The following SSX7 variants were observed in gnomAD, a reference collection of about 807,000 sequenced individuals.
SSX7 encodes SSX family member 7, also known as protein SSX7.
Under a neutral mutation model 14.7 loss-of-function variants are expected in SSX7, and 15 were observed. That is an observed-to-expected ratio of 1.02 (90% CI 0.68 to 1.58). The LOEUF (loss-of-function observed/expected upper bound fraction) is 1.58, where lower values mean the gene tolerates loss of function less well. SSX7 is among the 40% of genes most tolerant of loss of function. The pLI is 0.00. For missense variants in SSX7, 178 were observed against 146.8 expected (o/e 1.21, Z -1.10); for synonymous variants, 46 against 50.6 (o/e 0.91, Z 0.38).
rs868914572 is a variant in SSX7 at position 52,653,218 on chromosome X, C to T, written c.69+186G>A. 2.7e-4 allele frequency: 204 copies of T among 752,166 alleles called. No individual in the cohort carries two copies. The Middle Eastern group carries it at 6.1e-3, about 22-fold the overall frequency. 62.0% of individuals were successfully genotyped at this position (752,166 alleles called of 1,213,427 possible). A position where few individuals can be genotyped will look rare whatever the true frequency, so the allele number is the denominator to read the frequency against. On this transcript the variant is annotated intron_variant, in intron 2 of 7. Transcript: ENST00000298181. The stretch of plus-strand genomic sequence containing the variant: ...ACTGAGATTCACCAAATGTAGTGCA[C>T]GGTCACAGACTTGTCTCCAAGGATG...
intron 5 of SSX7, 60 bp downstream of exon 5, chrX:52,650,292 AG>A: frequency 2.6e-6 from 3 of 1,169,197 alleles, no homozygotes; most frequent in Non-Finnish European, 3.5e-6. Context: ...CACTCTTACC[AG>A]TGTTTGCATC....
chrX:52,647,165 G>A (rs1601973926), intron 6 of SSX7, among the ~76,000 whole-genome samples: 1 of 112,200 alleles, frequency 8.9e-6, no homozygotes, highest in East Asian at 2.8e-4. Flanking sequence ...TGAGAGAGGT[G>A]AAGAAGCTGC....
Position 52,644,407 on chromosome X carries a change from A to T in SSX7, c.*268T>A. The T allele has an allele frequency of 2.4e-6, 1 of 413,443 alleles. No individual in the cohort carries two copies. The highest frequency in any genetic ancestry group is 4.1e-6 in the Non-Finnish European group (1 of 246,011). 34.1% of individuals were successfully genotyped at this position (413,443 alleles called of 1,213,427 possible). ...TCTGAGGTAGGTGCATGGATACACAAACCGAAATACACATTAAGCATGTCT... is the reference window on the plus strand; with the variant it reads ...TCTGAGGTAGGTGCATGGATACACATACCGAAATACACATTAAGCATGTCT... On this transcript the variant is annotated 3_prime_UTR_variant, in exon 8 of 8. Transcript: ENST00000298181.
chrX:52,645,027 T>G (rs1925191804), intron 7 of SSX7, among the ~76,000 whole-genome samples: 1 of 110,742 alleles, frequency 9.0e-6, no homozygotes, highest in Admixed American at 9.6e-5. Context: ...CCCAGAACTT[T>G]GGGAGGCCGA....
intron 1 of SSX7, among the ~76,000 whole-genome samples, chrX:52,654,453 C>T (rs782452800): frequency 2.0e-5 from 2 of 102,245 alleles, no homozygotes; most frequent in South Asian, 9.8e-4. Flanking sequence ...CTGCAACCTC[C>T]GCCTCCTGGG....
intron 5 of SSX7, among the ~76,000 whole-genome samples, chrX:52,649,264 A>C (rs1925349297): frequency 7.2e-5 from 8 of 111,249 alleles, no homozygotes; most frequent in Non-Finnish European, 3.8e-5. Context: ...CTCTTGACCT[A>C]GTGATCCATC....
At chrX:52,645,756 C>T (rs1390503073) in intron 6 of SSX7, among the ~76,000 whole-genome samples, 2 of 111,767 alleles carry the variant, frequency 1.8e-5, no homozygotes, top group Non-Finnish European at 3.8e-5. Context: ...CTGGCTCCTT[C>T]TGTTGTGGGG....
At chrX:52,648,141 C>T (rs782366254) in intron 6 of SSX7, 120 bp downstream of exon 6, 14 of 1,011,081 alleles carry the variant, frequency 1.4e-5, no homozygotes, top group South Asian at 2.4e-5. Context: ...TGGAGCTGGG[C>T]GAGCTCCTCA....
rs190841197 is a variant in SSX7 at position 52,646,188 on chromosome X, C to T, written c.467-645G>A. On this transcript the variant is annotated intron_variant, in intron 6 of 7. Transcript: ENST00000298181. ...AAGCGATTCTCCTGCCTCAGCCTCC[C>T]GAGTAGCTGGGACTACAGGAGCATG... Among the ~76,000 whole-genome samples, 389 of 111,579 alleles carry T rather than the reference C, an allele frequency of 3.5e-3. 2 individuals are homozygous for T. The highest frequency in any genetic ancestry group is 8.6e-3 in the Admixed American group (90 of 10,497).
intron 6 of SSX7, among the ~76,000 whole-genome samples, chrX:52,646,298 C>T (rs1302596366): frequency 2.7e-5 from 3 of 112,340 alleles, no homozygotes; most frequent in South Asian, 3.6e-4. Flanking sequence ...CTCCCGACTT[C>T]GTGATCTGCC....
chrX:52,650,163 G>A (rs1556766833), intron 5 of SSX7, among the ~76,000 whole-genome samples, 190 bp downstream of exon 5: 1 of 112,444 alleles, frequency 8.9e-6, no homozygotes, highest in African/African-American at 3.2e-5. Context: ...GCATCACTAT[G>A]AAAACAAAAG....
In SSX7 at chrX:52,652,261, C is replaced by T. The variant is rs782520779; in HGVS notation, c.271G>A (p.Gly91Arg). ...CTTCCCGTCTACTCACCCTGATTCC[C>T]TTGGTTACGGTCATTATCAAAATCA... ...GNDFDNDRNQ[G>R]NQVERPQMTF... is the part of the protein sequence containing the mutation. Residue 91 changes from glycine to arginine, a missense_variant, in exon 4 of 8, where the codon GGG becomes AGG. Physicochemically the swap from Gly to Arg is moderately radical, Grantham distance 125. Transcript: ENST00000298181. 1.7e-5 allele frequency: 20 copies of T among 1,202,732 alleles called. No individual in the cohort carries two copies. The South Asian group carries it at 3.0e-4, about 18-fold the overall frequency.
At chrX:52,644,864 C>A (rs1467565121) in intron 7 of SSX7, among the ~76,000 whole-genome samples, 194 bp from the exon 8 acceptor site, 2 of 111,526 alleles carry the variant, frequency 1.8e-5, no homozygotes, top group African/African-American at 6.5e-5. Flanking sequence ...CTGGGTTATC[C>A]ATTCCTAGGC....
In SSX7 at chrX:52,644,666, C is replaced by T. The variant is rs1925175903; in HGVS notation, c.*9G>A. On this transcript the variant is annotated 3_prime_UTR_variant, in exon 8 of 8. Transcript: ENST00000298181. ...TCATCATGGGCATATGTCGTATCCC[C>T]GAGGCTGAGGCAAGAAGAGAGAAGG... is the stretch of plus-strand genomic sequence containing the variant. The T allele has an allele frequency of 2.3e-5, 28 of 1,194,140 alleles. No individual in the cohort carries two copies. Among genetic ancestry groups the T allele is most frequent in the Non-Finnish European group, 3.1e-5 (28 of 893,712 alleles).
At chrX:52,649,977 G>A (rs1925376151) in intron 5 of SSX7, among the ~76,000 whole-genome samples, 2 of 112,304 alleles carry the variant, frequency 1.8e-5, no homozygotes, top group African/African-American at 3.2e-5. Context: ...CATGGACCAG[G>A]AATCTGGAGC....
At chrX:52,648,037 G>C (rs1297340328) in intron 6 of SSX7, among the ~76,000 whole-genome samples, 1 of 112,032 alleles carries the variant, frequency 8.9e-6, no homozygotes, top group African/African-American at 3.2e-5. Flanking sequence ...ATCTGGAACT[G>C]AGAAAATTTG....
Position 52,647,974 on chromosome X carries a change from T to C in SSX7, c.466+287A>G, listed in dbSNP as rs112961239. Among the ~76,000 whole-genome samples, 67 of 112,135 alleles carry C rather than the reference T, an allele frequency of 6.0e-4. 2 individuals carry two copies. The highest frequency in any genetic ancestry group is 2.2e-3 in the African/African-American group (67 of 30,985). On this transcript the variant is annotated intron_variant, in intron 6 of 7. Coordinates refer to ENST00000298181, the MANE Select transcript of SSX7 (RefSeq NM_173358.2). ...CAGGCCTTCTAGATTAAATTTAATG[T>C]CTCCAAACAATTTATGAACTATGAT...
rs370840693 is a variant in SSX7 at position 52,645,003 on chromosome X, T to C, written c.*5-333A>G. Among the ~76,000 whole-genome samples, 148 of 110,610 alleles carry C rather than the reference T, an allele frequency of 1.3e-3. 1 individual carries two copies. The highest frequency in any genetic ancestry group is 4.7e-3 in the Middle Eastern group (1 of 212). On this transcript the variant is annotated intron_variant, in intron 7 of 7. Transcript: ENST00000298181. The stretch of plus-strand genomic sequence containing the variant: ...AGCTTACGAAGGCCAGGCGCGGTGG[T>C]TCACGCCTGTAATCCCAGAACTTTG...
chrX:52,651,791 C>T (rs1356273755), intron 4 of SSX7, among the ~76,000 whole-genome samples: 2 of 111,621 alleles, frequency 1.8e-5, no homozygotes, highest in African/African-American at 6.5e-5. Context: ...AGGAGAATCA[C>T]TTGAACCCAG....
Sources: gnomAD v4.1 joint callset for allele counts (sites outside exome capture counted in the v4.1 genomes callset) on GRCh38, gnomAD v4.1.1 for gene constraint, MANE v1.5 for transcripts, NCBI Gene and HGNC (gene_info 2026-07-23, HGNC 2026-07-21) for gene names.